Variants in PCDHGA3 observed in about 807,000 individuals in gnomAD.
PCDHGA3 encodes protocadherin gamma-A3.
Under a neutral mutation model 58.5 loss-of-function variants are expected in PCDHGA3, and 40 were observed. The observed-to-expected ratio is 0.68, with a 90% CI of 0.53 to 0.89. The LOEUF is 0.89. PCDHGA3 is among the 40% of genes least tolerant of loss of function. The pLI, the probability that PCDHGA3 is intolerant of heterozygous loss-of-function variation, is 0.00. For missense variants in PCDHGA3, 1,223 were observed against 1,195.9 expected (o/e 1.02, Z -0.33); for synonymous variants, 530 against 525.7 (o/e 1.01, Z -0.11).
At chr5:141,358,500 A>G (rs747831843) in intron 1 of PCDHGA3, among the ~76,000 whole-genome samples, 1 of 152,180 alleles carries the variant, frequency 6.6e-6, no homozygotes, top group African/African-American at 2.4e-5. Context: ...CTTTAACAGG[A>G]TATTTTCTCA....
intron 1 of PCDHGA3, among the ~76,000 whole-genome samples, chr5:141,368,336 T>C (rs1395637644): frequency 6.6e-6 from 1 of 152,126 alleles, no homozygotes; most frequent in Non-Finnish European, 1.5e-5. Flanking sequence ...TCTATATCTA[T>C]ATACATATAC....
At chr5:141,414,489 G>A (rs754325517) in intron 1 of PCDHGA3, 33 of 1,613,754 alleles carry the variant, frequency 2.0e-5, no homozygotes, top group Middle Eastern at 1.6e-4. Flanking sequence ...CTCTATCAAC[G>A]GAAGCTCACT....
rs2097721634 is a variant in PCDHGA3, at chr5:141,434,835, A to G, written c.2425-59972A>G. On this transcript the variant is annotated intron_variant, in intron 1 of 3. Coordinates refer to ENST00000253812, the MANE Select transcript of PCDHGA3 (RefSeq NM_018916.4). ...ATATCCCTTAGTACACTTGGCATTT[A>G]TAAAGCAGACATCAATAAATTTATA... 2.0e-5 allele frequency among the ~76,000 whole-genome samples: 3 copies of G among 151,972 alleles called. 1 individual carries two copies. In the South Asian group the frequency reaches 6.2e-4, roughly 32 times the overall value.
At chr5:141,361,675 G>C (rs1247091931) in intron 1 of PCDHGA3, 2 of 1,613,636 alleles carry the variant, frequency 1.2e-6, no homozygotes, top group Middle Eastern at 1.6e-4. Flanking sequence ...GAGCGGGGTG[G>C]TGTTCGCGCA....
chr5:141,375,730 C>G (rs763067110), intron 1 of PCDHGA3: 3 of 1,614,266 alleles, frequency 1.9e-6, no homozygotes, highest in Non-Finnish European at 2.5e-6. Context: ...TGTCACTGAG[C>G]CTGTTTGTGC....
intron 1 of PCDHGA3, chr5:141,383,945 T>G: frequency 6.2e-7 from 1 of 1,613,858 alleles, no homozygotes. Context: ...GAAGTGACTA[T>G]GACGTCTTTA....
Position 141,414,298 on chromosome 5 carries a change from G to A in PCDHGA3, c.2424+67841G>A, listed in dbSNP as rs200349573. ...GGGAACAGTCGTAGCCCTTTTAAAT[G>A]TGCATGATTTAGACTCTGAGCAGAA... On this transcript the variant is annotated intron_variant, in intron 1 of 3. Transcript: ENST00000253812. The A allele has an allele frequency of 1.9e-5, 30 of 1,613,626 alleles. No homozygotes were observed. In the East Asian group the frequency reaches 6.7e-4, roughly 36 times the overall value.
At chr5:141,500,728 T>C (rs556463739) in intron 2 of PCDHGA3, among the ~76,000 whole-genome samples, 1 of 152,310 alleles carries the variant, frequency 6.6e-6, no homozygotes, top group South Asian at 2.1e-4. Context: ...CCCATGTCTT[T>C]CAAAATTCTT....
intron 1 of PCDHGA3, chr5:141,419,942 G>A: frequency 6.2e-7 from 1 of 1,614,070 alleles, no homozygotes. Context: ...CCTGGTGGTG[G>A]CCTTGGCCTT....
At chr5:141,389,364 C>CT (rs963046088) in intron 1 of PCDHGA3, 1 of 1,613,736 alleles carries the variant, frequency 6.2e-7, no homozygotes, top group African/African-American at 1.3e-5. Context: ...GGCCAGTGAC[C>CT]TGGAGCAGCG....
At chr5:141,418,632 G>A in intron 1 of PCDHGA3, 1 of 1,614,028 alleles carries the variant, frequency 6.2e-7, no homozygotes, top group Non-Finnish European at 8.5e-7. Flanking sequence ...GTGCCTCCAG[G>A]CACCTCCATC....
intron 1 of PCDHGA3, chr5:141,372,047 G>C (rs1768347911): frequency 1.2e-6 from 2 of 1,613,408 alleles, no homozygotes; most frequent in Non-Finnish European, 1.7e-6. Context: ...TGCGCGTGTT[G>C]GTGGACGACC....
chr5:141,366,178 C>A lies in PCDHGA3; in HGVS notation c.2424+19721C>A, dbSNP rs778986920. The stretch of plus-strand genomic sequence containing the variant: ...TGCTTAAGGCCAGCGAGCCAGGACT[C>A]TTTGCGGTTGGGCTGCACACGGGCG... On this transcript the variant is annotated intron_variant, in intron 1 of 3. Coordinates refer to ENST00000253812, the MANE Select transcript of PCDHGA3 (RefSeq NM_018916.4). The A allele has an allele frequency of 3.1e-6, 5 of 1,613,926 alleles. No individual in the cohort carries two copies. In the Admixed American group the frequency reaches 8.3e-5, roughly 27 times the overall value.
At chr5:141,413,295 T>C in intron 1 of PCDHGA3, 1 of 1,613,940 alleles carries the variant, frequency 6.2e-7, no homozygotes, top group Middle Eastern at 1.7e-4. Context: ...ACTCAATTCC[T>C]GAGGAATTAG....
chr5:141,389,084 T>C (rs376665735), intron 1 of PCDHGA3: 12 of 1,613,880 alleles, frequency 7.4e-6, no homozygotes, highest in Admixed American at 1.7e-5. Flanking sequence ...GAAACACGTA[T>C]AAATTAGTGA....
intron 1 of PCDHGA3, among the ~76,000 whole-genome samples, chr5:141,451,298 C>T (rs1221562397): frequency 6.6e-6 from 1 of 152,206 alleles, no homozygotes; most frequent in African/African-American, 2.4e-5. Context: ...CAAAGTCTTA[C>T]AAGGCAGCAA....
At chr5:141,370,986 G>A in intron 1 of PCDHGA3, 2 of 1,613,992 alleles carry the variant, frequency 1.2e-6, no homozygotes, top group Non-Finnish European at 1.7e-6. Context: ...AGTACTGAAA[G>A]CACCCCTGGA....
chr5:141,430,994 C>T, intron 1 of PCDHGA3: 1 of 1,613,950 alleles, frequency 6.2e-7, no homozygotes, highest in East Asian at 2.2e-5. Context: ...CGCCCTGAAT[C>T]CGCGCAGCGG....
At chr5:141,403,208 A>T (rs763459005) in intron 1 of PCDHGA3, 2 of 1,613,962 alleles carry the variant, frequency 1.2e-6, no homozygotes, top group Non-Finnish European at 1.7e-6. Flanking sequence ...CACCTTGGTC[A>T]CCGCGGGTAG....
Sources: allele counts gnomAD v4.1 joint callset (sites outside exome capture counted in the v4.1 genomes callset), GRCh38; gene constraint gnomAD v4.1.1; transcripts MANE v1.5; gene names NCBI Gene and HGNC (gene_info 2026-07-23, HGNC 2026-07-21).